IFT56: variants seen among roughly 807,000 people sequenced by gnomAD.
IFT56 encodes intraflagellar transport protein 56.
At chr7:139,136,639 G>T in the IFT56 span, among the ~76,000 whole-genome samples, 1 of 144,938 alleles carries the variant, frequency 6.9e-6, no homozygotes, top group African/African-American at 2.8e-5. Flanking sequence ...TTGGCTATTT[G>T]TGTGTGTGTG....
chr7:139,168,420 T>A, the IFT56 span: 1 of 1,597,898 alleles, frequency 6.3e-7, no homozygotes, highest in South Asian at 1.1e-5. Context: ...TCACTGATAA[T>A]CTATAGGTTG....
chr7:139,186,812 T>C, the IFT56 span, among the ~76,000 whole-genome samples: 1 of 152,136 alleles, frequency 6.6e-6, no homozygotes, highest in Non-Finnish European at 1.5e-5. Flanking sequence ...GTGCTGATTG[T>C]GGCCGGGCGC....
the IFT56 span, among the ~76,000 whole-genome samples, chr7:139,164,518 C>G: frequency 6.6e-6 from 1 of 152,074 alleles, no homozygotes; most frequent in Admixed American, 6.5e-5. Flanking sequence ...ATTTTTAACT[C>G]TTTTTAATTT....
chr7:139,142,132 A>G, the IFT56 span: 27 of 971,716 alleles, frequency 2.8e-5, 1 homozygote, highest in Non-Finnish European at 4.1e-5. Context: ...TATGTATTCT[A>G]GCAGAGACAT....
the IFT56 span, chr7:139,138,045 G>A: frequency 1.5e-6 from 1 of 648,202 alleles, no homozygotes; most frequent in Non-Finnish European, 2.5e-6. Flanking sequence ...CAATGCAGAA[G>A]GAAACAAAGA....
the IFT56 span, among the ~76,000 whole-genome samples, chr7:139,166,605 G>A: frequency 1.4e-4 from 22 of 152,146 alleles, no homozygotes; most frequent in Admixed American, 1.4e-3. Flanking sequence ...CCTCATCCAT[G>A]TTCTTAGCTT....
chr7:139,154,065 T>A, the IFT56 span, among the ~76,000 whole-genome samples: 6 of 152,250 alleles, frequency 3.9e-5, no homozygotes, highest in Admixed American at 6.5e-5. Flanking sequence ...TGGTTTCTAT[T>A]TGCATTTCCC....
At chr7:139,160,972 A>G in the IFT56 span, 14 of 1,613,488 alleles carry the variant, frequency 8.7e-6, no homozygotes, top group African/African-American at 1.7e-4. Context: ...CTTGATGGAC[A>G]ATGCTTCTTC....
At chr7:139,175,269 C>T in the IFT56 span, among the ~76,000 whole-genome samples, 951 of 151,994 alleles carry the variant, frequency 6.3e-3, 8 homozygotes, top group African/African-American at 0.022. Context: ...AATTTATGTA[C>T]GTACAAATGT....
the IFT56 span, chr7:139,139,803 C>T: frequency 3.8e-6 from 3 of 799,826 alleles, no homozygotes; most frequent in Non-Finnish European, 6.1e-6. Flanking sequence ...TGCTTAATCT[C>T]AGTATGAAAT....
chr7:139,183,215 G>A, the IFT56 span, among the ~76,000 whole-genome samples: 2 of 151,994 alleles, frequency 1.3e-5, no homozygotes, highest in Admixed American at 1.3e-4. Context: ...AACATCAAAG[G>A]AAGATAACTA....
At chr7:139,158,684 T>G in the IFT56 span, among the ~76,000 whole-genome samples, 2 of 152,102 alleles carry the variant, frequency 1.3e-5, no homozygotes, top group African/African-American at 2.4e-5. Context: ...GAGGCTGAGA[T>G]AGGCGGATCA....
At chr7:139,157,649 G>A in the IFT56 span, among the ~76,000 whole-genome samples, 1 of 151,786 alleles carries the variant, frequency 6.6e-6, no homozygotes, top group African/African-American at 2.4e-5. Context: ...GACTACAGGT[G>A]TATGCCACTG....
the IFT56 span, among the ~76,000 whole-genome samples, chr7:139,138,145 T>C: frequency 1.8e-4 from 27 of 152,202 alleles, no homozygotes; most frequent in Non-Finnish European, 3.5e-4. Flanking sequence ...AATCGTCTAA[T>C]GTTAATATGT....
At chr7:139,149,485 C>T in the IFT56 span, among the ~76,000 whole-genome samples, 1 of 151,786 alleles carries the variant, frequency 6.6e-6, no homozygotes. Context: ...AATAGTGTTC[C>T]TGCCTTTAGT....
At chr7:139,134,725 G>A in the IFT56 span, 1 of 1,614,094 alleles carries the variant, frequency 6.2e-7, no homozygotes, top group East Asian at 2.2e-5. Context: ...AAGAAAGGTA[G>A]GAAGATTCCA....
the IFT56 span, among the ~76,000 whole-genome samples, chr7:139,163,066 C>T: frequency 6.6e-6 from 1 of 151,472 alleles, no homozygotes; most frequent in Non-Finnish European, 1.5e-5. Flanking sequence ...ATTGATAGGC[C>T]GGGTGCGGTG....
the IFT56 span, chr7:139,179,602 T>A: frequency 6.2e-7 from 1 of 1,613,990 alleles, no homozygotes; most frequent in African/African-American, 1.3e-5. Flanking sequence ...AGTGAGAAGA[T>A]GAAAAATGAT....
the IFT56 span, among the ~76,000 whole-genome samples, chr7:139,148,674 C>G: frequency 6.6e-6 from 1 of 152,168 alleles, no homozygotes; most frequent in Admixed American, 6.5e-5. Context: ...CGCTGTGGCT[C>G]AGCACTTTGG....
Sources: allele counts gnomAD v4.1 joint callset (sites outside exome capture counted in the v4.1 genomes callset), GRCh38; gene constraint gnomAD v4.1.1; transcripts MANE v1.5; gene names NCBI Gene and HGNC (gene_info 2026-07-23, HGNC 2026-07-21).